Variants in RCHY1 observed in about 807,000 individuals in gnomAD.
RCHY1 encodes ring finger and CHY zinc finger domain containing 1.
Under a neutral mutation model 41.6 loss-of-function variants are expected in RCHY1, and 21 were observed. The ratio of observed to expected loss-of-function variants is 0.51; its 90% CI spans 0.36 to 0.73. The LOEUF is 0.73. RCHY1 is among the 30% of genes least tolerant of loss of function. The probability of loss-of-function intolerance (pLI) is 0.00; values close to 1 mark genes in which losing one functional copy is unlikely to be tolerated. For synonymous variants in RCHY1, 79 were observed against 102.9 expected (o/e 0.77, Z 1.41); for missense variants, 265 against 325.3 (o/e 0.81, Z 1.43).
chr4:75,503,644 A>T lies in RCHY1; in HGVS notation c.326+5176T>A, dbSNP rs192433970. On this transcript the variant is annotated intron_variant, in intron 3 of 8. Transcript: ENST00000324439. The stretch of plus-strand genomic sequence containing the variant: ...GAGGCAGAGGTTGCAGTGAGCCGAG[A>T]TCACGCCACTGCACTCCAGCCTGGG... Among the ~76,000 whole-genome samples, 1,437 of 152,178 alleles carry T rather than the reference A, an allele frequency of 9.4e-3. 14 individuals carry two copies. Among genetic ancestry groups the T allele is most frequent in the Middle Eastern group, 0.048 (14 of 294 alleles).
intron 8 of RCHY1, among the ~76,000 whole-genome samples, chr4:75,489,868 A>G (rs900594294): frequency 6.6e-6 from 1 of 152,104 alleles, no homozygotes; most frequent in Non-Finnish European, 1.5e-5. Flanking sequence ...AAGCTTCTGG[A>G]CTTTGAACTT....
In RCHY1 at chr4:75,501,752, T is replaced by A. The variant is rs575739852; in HGVS notation, c.326+7068A>T. Among the ~76,000 whole-genome samples the A allele has an allele frequency of 1.3e-5, 2 of 152,350 alleles. 1 individual carries two copies. Among genetic ancestry groups the A allele is most frequent in the Middle Eastern group, 6.8e-3 (2 of 294 alleles). On this transcript the variant is annotated intron_variant, in intron 3 of 8. Transcript: ENST00000324439. ...TACTGTTATTAGAAACTCAATATAC[T>A]TGGATATTTGCACTGTACAATTAAC...
chr4:75,487,892 C>CATATATATATTCATA (rs1722386357), intron 8 of RCHY1, among the ~76,000 whole-genome samples: 1 of 73,082 alleles, frequency 1.4e-5, no homozygotes, highest in African/African-American at 6.6e-5. Context: ...TATATATATT[C>CATATATATATTCATA]ATATATATAT....
intron 4 of RCHY1, among the ~76,000 whole-genome samples, chr4:75,492,284 C>T (rs1162035965): frequency 6.6e-6 from 1 of 151,834 alleles, no homozygotes; most frequent in Non-Finnish European, 1.5e-5. Flanking sequence ...AAGCCAGTGA[C>T]CTAAATTAGT....
chr4:75,501,687 A>G (rs1723774996), intron 3 of RCHY1, among the ~76,000 whole-genome samples: 1 of 152,238 alleles, frequency 6.6e-6, no homozygotes, highest in Non-Finnish European at 1.5e-5. Flanking sequence ...ACATCTCCTA[A>G]TTATGTTCCA....
Position 75,508,809 on chromosome 4 carries a change from A to T in RCHY1, c.326+11T>A. On this transcript the variant is annotated intron_variant, in intron 3 of 8. Coordinates refer to ENST00000324439, the MANE Select transcript of RCHY1 (RefSeq NM_015436.4). ...AGAAGCAATTAGATAAGAACACTTTACATACAGTACCTACAAATTCCACAG... is the reference window on the plus strand; with the variant it reads ...AGAAGCAATTAGATAAGAACACTTTTCATACAGTACCTACAAATTCCACAG... The T allele has an allele frequency of 6.7e-7, 1 of 1,488,698 alleles. No homozygotes were observed. 92.2% of individuals were successfully genotyped at this position (1,488,698 alleles called of 1,614,324 possible).
At chr4:75,493,531 T>G (rs1046564036) in intron 4 of RCHY1, among the ~76,000 whole-genome samples, 2 of 151,884 alleles carry the variant, frequency 1.3e-5, no homozygotes, top group African/African-American at 4.8e-5. Context: ...TTTCCTATAC[T>G]TGAACAAGTA....
In RCHY1 at chr4:75,494,127, C is replaced by G. The variant is rs1244798081; in HGVS notation, c.379G>C (p.Ala127Pro). 6.4e-7 allele frequency: 1 copy of G among 1,563,518 alleles called. No homozygotes were observed. Among genetic ancestry groups the G allele is most frequent in the Non-Finnish European group, 8.6e-7 (1 of 1,160,638 alleles). ...TTGTGTCTTCCTTGAAGATTCATAG[C>G]TAGGCATAAGTTACATTTCAAACAA... ...FHCLKCNLCL[A>P]MNLQGRHKCI... Residue 127 changes from alanine (A) to proline (P), a missense_variant, in exon 4 of 9, where the codon GCT (alanine) becomes CCT (proline). By Grantham distance (27) the Ala-to-Pro change is conservative. Coordinates refer to ENST00000324439, the MANE Select transcript of RCHY1 (RefSeq NM_015436.4).
At chr4:75,510,213 G>A (rs1724734864) in intron 1 of RCHY1, among the ~76,000 whole-genome samples, 1 of 152,098 alleles carries the variant, frequency 6.6e-6, no homozygotes, top group African/African-American at 2.4e-5. Context: ...ATGGCCACAT[G>A]CCCTAAAACA....
intron 8 of RCHY1, among the ~76,000 whole-genome samples, chr4:75,487,945 ATCT>A (rs1722392823): frequency 7.0e-6 from 1 of 142,408 alleles, no homozygotes; most frequent in African/African-American, 2.6e-5. Flanking sequence ...AGTATTTTAA[ATCT>A]TCGACACACT....
At chr4:75,498,913 G>A (rs1478411835) in intron 3 of RCHY1, among the ~76,000 whole-genome samples, 4 of 151,950 alleles carry the variant, frequency 2.6e-5, no homozygotes, top group African/African-American at 7.3e-5. Context: ...TCAAAAGCAC[G>A]CACAACTGAA....
At chr4:75,494,043 T>C in intron 4 of RCHY1, 58 bp downstream of exon 4, 6 of 988,366 alleles carry the variant, frequency 6.1e-6, no homozygotes, top group Non-Finnish European at 8.9e-6. Context: ...TATTAGAAGT[T>C]AAGCTTATTG....
rs72866241 is a variant in RCHY1 at position 75,500,203 on chromosome 4, C to T, written c.327-6024G>A. On this transcript the variant is annotated intron_variant, in intron 3 of 8. Transcript: ENST00000324439. ...TTAGCCTGATTTGATTATATGAATG[C>T]ACTGAATTACCACATGTAGTCCAAA... 5.7e-3 allele frequency among the ~76,000 whole-genome samples: 865 copies of T among 152,268 alleles called. 9 individuals are homozygous for T. Among genetic ancestry groups the T allele is most frequent in the African/African-American group, 0.02 (815 of 41,546 alleles).
chr4:75,495,600 T>C (rs1430680012), intron 3 of RCHY1, among the ~76,000 whole-genome samples: 1 of 152,034 alleles, frequency 6.6e-6, no homozygotes, highest in Non-Finnish European at 1.5e-5. Flanking sequence ...TATGAGGCAT[T>C]TTAGACTACA....
chr4:75,514,456 G>A (rs1725351382), upstream of RCHY1: 1 of 697,710 alleles, frequency 1.4e-6, no homozygotes, highest in Non-Finnish European at 2.3e-6. Context: ...CCGGGGCTAC[G>A]AGGCGGAAGC....
At chr4:75,506,575 T>C (rs1200685925) in intron 3 of RCHY1, among the ~76,000 whole-genome samples, 2 of 151,606 alleles carry the variant, frequency 1.3e-5, no homozygotes, top group Non-Finnish European at 2.9e-5. Flanking sequence ...AAGAGAGACC[T>C]GGAAGTTAAT....
intron 3 of RCHY1, among the ~76,000 whole-genome samples, chr4:75,507,129 C>T (rs2148769682): frequency 6.6e-6 from 1 of 151,918 alleles, no homozygotes; most frequent in African/African-American, 2.4e-5. Flanking sequence ...CTAAAAGAAA[C>T]ACTAAAGACA....
intron 4 of RCHY1, among the ~76,000 whole-genome samples, 168 bp from the exon 5 acceptor site, chr4:75,492,101 C>T (rs1025313722): frequency 6.6e-6 from 1 of 151,840 alleles, no homozygotes; most frequent in African/African-American, 2.4e-5. Context: ...ATTTAAATCT[C>T]ACACTATTTC....
chr4:75,492,531 C>A (rs939939293), intron 4 of RCHY1, among the ~76,000 whole-genome samples: 1 of 151,918 alleles, frequency 6.6e-6, no homozygotes, highest in Non-Finnish European at 1.5e-5. Context: ...AGCAGGCTAA[C>A]TTCAGAGCCA....
Sources: gnomAD v4.1 joint callset for allele counts (sites outside exome capture counted in the v4.1 genomes callset) on GRCh38, gnomAD v4.1.1 for gene constraint, MANE v1.5 for transcripts, NCBI Gene and HGNC (gene_info 2026-07-23, HGNC 2026-07-21) for gene names.